The following LRMDA variants were observed in gnomAD, a reference collection of about 807,000 sequenced individuals.
The protein encoded by LRMDA is leucine-rich melanocyte differentiation-associated protein.
A neutral mutation model predicts 29.8 loss-of-function variants in LRMDA; 18 were observed. The observed-to-expected ratio is 0.60, with a 90% CI of 0.42 to 0.90. LRMDA has a LOEUF of 0.90. LRMDA is among the 40% of genes least tolerant of loss of function. The pLI, the probability that LRMDA is intolerant of heterozygous loss-of-function variation, is 0.00. For missense variants in LRMDA, 273 were observed against 273.9 expected, an observed-to-expected ratio of 1.00 and a Z score of 0.02; for synonymous variants, 125 against 109.4, an observed-to-expected ratio of 1.14 and a Z score of -0.89.
chr10:76,361,505 CT>C, intron 6 of LRMDA, among the ~76,000 whole-genome samples: 1 of 152,232 alleles, frequency 6.6e-6, no homozygotes, highest in Non-Finnish European at 1.5e-5. Context: ...GGATCGACCC[CT>C]GGTGAGTGGG....
intron 2 of LRMDA, among the ~76,000 whole-genome samples, chr10:75,464,915 T>C (rs1046163110): frequency 1.3e-5 from 2 of 152,150 alleles, no homozygotes; most frequent in Admixed American, 1.3e-4. Context: ...AAACTAATAA[T>C]GAACTAATGA....
intron 5 of LRMDA, among the ~76,000 whole-genome samples, chr10:76,277,907 T>C (rs779408594): frequency 6.6e-6 from 1 of 152,182 alleles, no homozygotes; most frequent in Non-Finnish European, 1.5e-5. Flanking sequence ...GGGTTTACTT[T>C]TGGGCTTTGG....
chr10:75,685,861 A>G (rs1842075580), intron 2 of LRMDA, among the ~76,000 whole-genome samples: 1 of 152,222 alleles, frequency 6.6e-6, no homozygotes, highest in Non-Finnish European at 1.5e-5. Flanking sequence ...AAAAACAACA[A>G]CATAATAGTA....
intron 5 of LRMDA, among the ~76,000 whole-genome samples, chr10:76,193,711 C>G (rs762214569): frequency 9.9e-5 from 15 of 152,156 alleles, no homozygotes; most frequent in Non-Finnish European, 1.6e-4. Flanking sequence ...AAATGTGTTG[C>G]TGTCTGCAAT....
intron 6 of LRMDA, among the ~76,000 whole-genome samples, chr10:76,357,020 C>T (rs921084675): frequency 6.6e-6 from 1 of 152,042 alleles, no homozygotes; most frequent in Non-Finnish European, 1.5e-5. Flanking sequence ...AAAGGTACAA[C>T]AAGATGTGAG....
intron 2 of LRMDA, among the ~76,000 whole-genome samples, chr10:75,634,659 G>A (rs1308338834): frequency 6.6e-6 from 1 of 152,226 alleles, no homozygotes; most frequent in East Asian, 1.9e-4. Context: ...TATAAGGAAT[G>A]AAAAGGAGGA....
chr10:76,068,380 C>T (rs997298457), intron 5 of LRMDA, among the ~76,000 whole-genome samples: 1 of 152,102 alleles, frequency 6.6e-6, no homozygotes, highest in Non-Finnish European at 1.5e-5. Context: ...GTTTCTGGCA[C>T]CAGGGACTAG....
chr10:75,856,937 T>C (rs1227513357), intron 2 of LRMDA, among the ~76,000 whole-genome samples: 1 of 152,120 alleles, frequency 6.6e-6, no homozygotes, highest in Non-Finnish European at 1.5e-5. Context: ...AAAACCCCAT[T>C]GTCTCAGCCC....
At chr10:76,477,773 A>C (rs1455338982) in intron 6 of LRMDA, among the ~76,000 whole-genome samples, 1 of 152,198 alleles carries the variant, frequency 6.6e-6, no homozygotes, top group Non-Finnish European at 1.5e-5. Flanking sequence ...CTGATCTTTG[A>C]CAAACTTGAC....
At chr10:76,314,394 A>C (rs1840666324) in intron 5 of LRMDA, among the ~76,000 whole-genome samples, 1 of 152,174 alleles carries the variant, frequency 6.6e-6, no homozygotes, top group African/African-American at 2.4e-5. Context: ...TTTAGGTTCT[A>C]TCTGCAACAT....
chr10:75,909,396 T>A (rs1225234037), intron 2 of LRMDA, among the ~76,000 whole-genome samples: 1 of 152,224 alleles, frequency 6.6e-6, no homozygotes, highest in Non-Finnish European at 1.5e-5. Flanking sequence ...ATGGAACCTC[T>A]CTCTGCATCC....
intron 2 of LRMDA, among the ~76,000 whole-genome samples, chr10:75,983,910 C>T (rs1847217454): frequency 6.6e-6 from 1 of 152,176 alleles, no homozygotes; most frequent in Non-Finnish European, 1.5e-5. Context: ...CTGCCTTGGC[C>T]TCCCAAAGTG....
At chr10:75,831,270 A>G (rs753267336) in intron 2 of LRMDA, among the ~76,000 whole-genome samples, 1 of 152,088 alleles carries the variant, frequency 6.6e-6, no homozygotes, top group Non-Finnish European at 1.5e-5. Flanking sequence ...GATGGTCTTG[A>G]TCTCCTGACC....
chr10:75,674,614 T>A (rs1245565571), intron 2 of LRMDA, among the ~76,000 whole-genome samples: 1 of 152,208 alleles, frequency 6.6e-6, no homozygotes, highest in Non-Finnish European at 1.5e-5. Flanking sequence ...CTTCAGATAA[T>A]TGTCCCTTTC....
At chr10:75,686,216 A>G (rs549096985) in intron 2 of LRMDA, among the ~76,000 whole-genome samples, 1 of 152,324 alleles carries the variant, frequency 6.6e-6, no homozygotes, top group South Asian at 2.1e-4. Flanking sequence ...CCAGCTGGGC[A>G]TATGAGAGCA....
At chr10:75,824,674 A>G (rs1018963769) in intron 2 of LRMDA, among the ~76,000 whole-genome samples, 1 of 152,038 alleles carries the variant, frequency 6.6e-6, no homozygotes, top group African/African-American at 2.4e-5. Context: ...TTCCTAAACT[A>G]CTTTATCTAA....
intron 2 of LRMDA, among the ~76,000 whole-genome samples, chr10:75,982,389 C>G (rs1386769967): frequency 2.0e-5 from 3 of 152,176 alleles, no homozygotes; most frequent in Non-Finnish European, 4.4e-5. Context: ...CCCGCATTGC[C>G]TTGCAGGGTA....
chr10:75,916,443 C>T (rs572638006), intron 2 of LRMDA, among the ~76,000 whole-genome samples: 1 of 152,172 alleles, frequency 6.6e-6, no homozygotes, highest in Admixed American at 6.5e-5. Context: ...GGCTATTTCC[C>T]AGCGCCTCAT....
At chr10:75,794,878 C>T (rs1049869114) in intron 2 of LRMDA, among the ~76,000 whole-genome samples, 1 of 151,596 alleles carries the variant, frequency 6.6e-6, no homozygotes, top group Non-Finnish European at 1.5e-5. Context: ...TTTGAGTTGC[C>T]CTTTCACTTC....
Sources: allele counts gnomAD v4.1 joint callset (sites outside exome capture counted in the v4.1 genomes callset), GRCh38; gene constraint gnomAD v4.1.1; transcripts MANE v1.5; gene names NCBI Gene and HGNC (gene_info 2026-07-23, HGNC 2026-07-21).